ZNF584: variants seen among roughly 807,000 people sequenced by gnomAD.
The protein encoded by ZNF584 is zinc finger protein 584.
A neutral mutation model predicts 14.7 loss-of-function variants in ZNF584; 12 were observed. That is an observed-to-expected ratio of 0.82 (90% CI 0.52 to 1.32). The LOEUF is 1.32. Ranked by LOEUF, ZNF584 falls within the 40% of genes most tolerant of loss-of-function variation. The probability of loss-of-function intolerance (pLI) is 0.00; values close to 1 mark genes in which losing one functional copy is unlikely to be tolerated. For synonymous variants in ZNF584, 204 were observed against 190.9 expected, an observed-to-expected ratio of 1.07 and a Z score of -0.57; for missense variants, 478 against 518.8, an observed-to-expected ratio of 0.92 and a Z score of 0.76.
At chr19:58,409,264 T>A in intron 1 of ZNF584, 99 bp downstream of exon 1, 1 of 1,292,090 alleles carries the variant, frequency 7.7e-7, no homozygotes, top group Non-Finnish European at 1.0e-6. Context: ...CTGCGTATGA[T>A]TCCAGGGGGA....
Position 58,416,862 on chromosome 19 carries a change from G to T in ZNF584, c.344G>T (p.Ser115Ile). ...DERAHPEHLK[S>I]YRVIQHQDTH... The stretch of plus-strand genomic sequence containing the variant: ...AGAGCCCATCCTGAGCATCTAAAGA[G>T]CTACAGAGTCATCCAGCACCAGGAC... Residue 115 changes from serine (S) to isoleucine (I), a missense_variant, in exon 4 of 4, where the codon AGC becomes ATC. Around this residue, in one of 3 missense-constraint regions of ZNF584, gnomAD observed 189 missense variants for 177.9 expected, o/e 1.06. Coordinates refer to ENST00000306910, the MANE Select transcript of ZNF584 (RefSeq NM_173548.3). 1.3e-6 allele frequency: 2 copies of T among 1,597,646 alleles called. No homozygotes were observed. The highest frequency in any genetic ancestry group is 1.7e-5 in the Admixed American group (1 of 57,896).
chr19:58,417,211 AC>A lies in ZNF584; in HGVS notation c.694del (p.His232ThrfsTer8), dbSNP rs771287805. On this transcript the variant is annotated frameshift_variant, in exon 4 of 4. Coordinates refer to ENST00000306910, the MANE Select transcript of ZNF584 (RefSeq NM_173548.3). LOFTEE classifies it low-confidence loss of function (END_TRUNC). ...AFSYPSKLRK[H>X]QKVHTGIKPF... ...TCAGTTACCCGTCTAAGCTGAGGAA[AC>A]ACCAGAAGGTTCACACAGGCATAAA... is the stretch of plus-strand genomic sequence containing the variant. 10 of 1,614,020 alleles carry A rather than the reference AC, an allele frequency of 6.2e-6. No individual in the cohort carries two copies. In the East Asian group the frequency reaches 2.2e-4, roughly 36 times the overall value.
intron 2 of ZNF584, among the ~76,000 whole-genome samples, chr19:58,412,484 C>G (rs553919791): frequency 1.3e-5 from 2 of 152,090 alleles, no homozygotes; most frequent in East Asian, 3.9e-4. Flanking sequence ...GCTGGGATTA[C>G]AGGCGTGAGC....
At position 58,418,005 on chromosome 19, in the gene ZNF584, T is replaced by G. The variant is rs1214130550; in HGVS notation, c.*221T>G. 1.8e-6 allele frequency: 1 copy of G among 570,830 alleles called. No homozygotes were observed. Among genetic ancestry groups the G allele is most frequent in the East Asian group, 2.9e-5 (1 of 34,464 alleles). 35.4% of individuals were successfully genotyped at this position (570,830 alleles called of 1,614,324 possible). A position where few individuals can be genotyped will look rare whatever the true frequency, so the allele number is the denominator to read the frequency against. Reference sequence around the variant, plus strand: ...ACATCACTGAGTTTATCCACCGCCATCCACCTCTATCCACCCCATAAGGTC... The same window carrying G: ...ACATCACTGAGTTTATCCACCGCCAGCCACCTCTATCCACCCCATAAGGTC... On this transcript the variant is annotated 3_prime_UTR_variant, in exon 4 of 4. Transcript: ENST00000306910.
intron 3 of ZNF584, chr19:58,416,057 C>T: frequency 7.9e-7 from 1 of 1,273,006 alleles, no homozygotes; most frequent in Admixed American, 2.3e-5. Flanking sequence ...TCACCAGCAG[C>T]CAAGGCCCTG....
chr19:58,403,698 C>T (rs948422959), upstream of ZNF584, among the ~76,000 whole-genome samples: 10 of 151,962 alleles, frequency 6.6e-5, no homozygotes, highest in African/African-American at 7.2e-5. Context: ...GGGCCGGGTG[C>T]GGTAGCTCAT....
Position 58,416,883 on chromosome 19 carries a change from A to G in ZNF584, c.365A>G (p.Gln122Arg). The G allele has an allele frequency of 6.2e-7, 1 of 1,609,080 alleles. No individual in the cohort carries two copies. The highest frequency in any genetic ancestry group is 8.5e-7 in the Non-Finnish European group (1 of 1,177,392). The change falls in exon 4 of 4, where the codon CAG becomes CGG. Residue 122 changes from glutamine (Q) to arginine (R), a missense_variant. This residue lies in a region of ZNF584 where 189 missense variants were observed against 177.9 expected (regional missense o/e 1.06). Transcript: ENST00000306910. The part of the protein sequence containing the change: ...HLKSYRVIQH[Q>R]DTHSEGKPRR... ...AAGAGCTACAGAGTCATCCAGCACC[A>G]GGACACTCATAGTGAGGGGAAACCA...
chr19:58,405,602 G>A (rs1487715173), upstream of ZNF584: 10 of 162,786 alleles, frequency 6.1e-5, no homozygotes, highest in Non-Finnish European at 6.6e-5. Context: ...GGCGGCTGCC[G>A]GGCGGAGGGG....
chr19:58,403,598 G>A (rs2052444881), intron 1 of ZNF584, among the ~76,000 whole-genome samples: 1 of 152,126 alleles, frequency 6.6e-6, no homozygotes, highest in African/African-American at 2.4e-5. Context: ...ATATTGTAAT[G>A]GTGGATACAT....
chr19:58,412,992 A>T (rs2052595653), intron 2 of ZNF584, among the ~76,000 whole-genome samples: 1 of 152,140 alleles, frequency 6.6e-6, no homozygotes, highest in African/African-American at 2.4e-5. Flanking sequence ...GTTACTAGTG[A>T]TGTCCTTTTT....
Position 58,410,893 on chromosome 19 carries a change from G to A in ZNF584, c.169+802G>A, listed in dbSNP as rs1277983522. Among the ~76,000 whole-genome samples, 4 of 139,744 alleles carry A rather than the reference G, an allele frequency of 2.9e-5. No homozygotes were observed. The Admixed American group carries it at 3.1e-4, about 11-fold the overall frequency. 91.7% of individuals were successfully genotyped at this position (139,744 alleles called of 152,430 possible). A position where few individuals can be genotyped will look rare whatever the true frequency, so the allele number is the denominator to read the frequency against. On this transcript the variant is annotated intron_variant, in intron 2 of 3. Coordinates refer to ENST00000306910, the MANE Select transcript of ZNF584 (RefSeq NM_173548.3). ...CACAACCTCTGCCTCCAGGGTTCAA[G>A]CGATTCTCCTGCCTCAGTCTCCCGA...
chr19:58,414,389 A>T (rs2122235782), intron 2 of ZNF584, among the ~76,000 whole-genome samples: 1 of 151,946 alleles, frequency 6.6e-6, no homozygotes, highest in East Asian at 1.9e-4. Flanking sequence ...CCCAGGCTGG[A>T]GTGCAGTGGC....
chr19:58,415,749 C>T (rs1354977264), intron 3 of ZNF584, 103 bp downstream of exon 3: 3 of 1,612,286 alleles, frequency 1.9e-6, no homozygotes, highest in Non-Finnish European at 2.5e-6. Context: ...GTGACCATAC[C>T]TTATTTCCTT....
upstream of ZNF584, chr19:58,406,118 C>T (rs950890862): frequency 1.1e-4 from 17 of 161,724 alleles, no homozygotes; most frequent in South Asian, 3.2e-4. Context: ...CCGAGGCTGG[C>T]GGATCACTCG....
chr19:58,405,437 CG>C (rs2052462920), upstream of ZNF584: 1 of 149,672 alleles, frequency 6.7e-6, no homozygotes, highest in South Asian at 1.9e-4. Flanking sequence ...GCTGGCCGGG[CG>C]GGGGGCTGAC....
rs766029261 is a variant in ZNF584, at chr19:58,409,153, C to G, written c.6C>G (p.Ala2=). 2 of 1,444,344 alleles carry G rather than the reference C, an allele frequency of 1.4e-6. No homozygotes were observed. Among genetic ancestry groups the G allele is most frequent in the East Asian group, 5.5e-5 (2 of 36,180 alleles). The allele number at this position is 1,444,344 out of a possible 1,614,324, so 89.5% of individuals were successfully genotyped here. M[A]GEAEAQLDPS... ...GGTTCTGCCCGCACGGTCCAATGGC[C>G]GGGGAGGCGGAGGTGAGCAGAGGAT... The change falls in exon 1 of 4, where the codon GCC becomes GCG. Residue 2 remains alanine, a synonymous_variant. Coordinates refer to ENST00000306910, the MANE Select transcript of ZNF584 (RefSeq NM_173548.3).
upstream of ZNF584, chr19:58,405,113 GCGGCCGGGCAGAGGCGCCCCGCACCTCC>G (rs2052457934): frequency 6.9e-6 from 1 of 144,988 alleles, no homozygotes; most frequent in Admixed American, 6.8e-5. Context: ...CCCAGTAGGG[GCGGCCGGGCAGAGGCGCCCCGCACCTCC>G]CGGACGGGGC....
intron 1 of ZNF584, 48 bp from the exon 2 acceptor site, chr19:58,409,893 A>G (rs764945900): frequency 5.0e-6 from 8 of 1,612,860 alleles, no homozygotes; most frequent in Non-Finnish European, 6.8e-6. Context: ...GAATGTGTCC[A>G]TCTGTCCATA....
At chr19:58,414,322 C>G (rs759318497) in intron 2 of ZNF584, among the ~76,000 whole-genome samples, 5 of 151,966 alleles carry the variant, frequency 3.3e-5, no homozygotes, top group Non-Finnish European at 5.9e-5. Context: ...TTGAAATCTA[C>G]TGAGGCTTGC....
Sources: allele counts gnomAD v4.1 joint callset (sites outside exome capture counted in the v4.1 genomes callset), GRCh38; gene constraint gnomAD v4.1.1; regional missense constraint gnomAD v4.1.1; transcripts MANE v1.5; gene names NCBI Gene and HGNC (gene_info 2026-07-23, HGNC 2026-07-21).